Variants in PTPN14 observed in about 807,000 individuals in gnomAD.
PTPN14 encodes protein tyrosine phosphatase non-receptor type 14.
PTPN14 carries 53 observed loss-of-function variants against 126.8 expected under a neutral mutation model. The ratio of observed to expected loss-of-function variants is 0.42; its 90% confidence interval spans 0.34 to 0.53. The LOEUF (loss-of-function observed/expected upper bound fraction) is 0.53. Ranked by LOEUF, PTPN14 falls within the 20% of genes least tolerant of loss-of-function variation. The pLI is 0.08. For missense variants in PTPN14, 1,257 were observed against 1,552.9 expected (o/e 0.81, Z 3.20); for synonymous variants, 630 against 599.3 (o/e 1.05, Z -0.75).
At chr1:214,379,794 T>C (rs765063286) in intron 13 of PTPN14, among the ~76,000 whole-genome samples, 1 of 152,236 alleles carries the variant, frequency 6.6e-6, no homozygotes, top group Non-Finnish European at 1.5e-5. Context: ...CAAGTTGTCC[T>C]GCCTTTCCAG....
intron 3 of PTPN14, among the ~76,000 whole-genome samples, chr1:214,430,619 C>T (rs189275657): frequency 1.1e-3 from 171 of 152,312 alleles, no homozygotes; most frequent in African/African-American, 3.6e-3. Context: ...TCAATCTTCC[C>T]TGGGTCTCCA....
intron 4 of PTPN14, among the ~76,000 whole-genome samples, chr1:214,412,468 T>C (rs1281015312): frequency 1.3e-5 from 2 of 152,126 alleles, no homozygotes; most frequent in African/African-American, 2.4e-5. Context: ...CATGCACCAA[T>C]GTTGAGAAGT....
intron 1 of PTPN14, among the ~76,000 whole-genome samples, chr1:214,499,771 C>A (rs1380525200): frequency 2.0e-5 from 3 of 151,090 alleles, no homozygotes; most frequent in African/African-American, 7.3e-5. Context: ...CTAATTTAAG[C>A]ATTCATTTTT....
chr1:214,444,377 T>G (rs1335737419), intron 3 of PTPN14, among the ~76,000 whole-genome samples: 1 of 152,228 alleles, frequency 6.6e-6, no homozygotes, highest in Admixed American at 6.5e-5. Flanking sequence ...GCAAATTATA[T>G]TATCCACAGG....
At position 214,551,340 on chromosome 1, in the gene PTPN14, C is replaced by T. The variant is rs963164133; in HGVS notation, c.-312G>A. The T allele has an allele frequency of 1.3e-5, 2 of 152,576 alleles. No individual in the cohort carries two copies. Among genetic ancestry groups the T allele is most frequent in the Non-Finnish European group, 2.9e-5 (2 of 68,326 alleles). 9.5% of individuals were successfully genotyped at this position (152,576 alleles called of 1,614,324 possible). ...GGCGAAAGGGGAGGGAGGTTTCCGC[C>T]GCGATCCCGGCGCGAGAGTCCGAGC... On this transcript the variant is annotated 5_prime_UTR_variant, in exon 1 of 19. Coordinates refer to ENST00000366956, the MANE Select transcript of PTPN14 (RefSeq NM_005401.5).
intron 5 of PTPN14, among the ~76,000 whole-genome samples, chr1:214,406,006 A>G (rs1417552739): frequency 3.3e-5 from 5 of 152,176 alleles, no homozygotes; most frequent in Non-Finnish European, 5.9e-5. Context: ...ACAATGGGGC[A>G]GGGGCAGGGG....
chr1:214,377,068 A>T (rs796604176), intron 14 of PTPN14, among the ~76,000 whole-genome samples: 2 of 152,366 alleles, frequency 1.3e-5, no homozygotes, highest in African/African-American at 4.8e-5. Flanking sequence ...CTTCTGAAAC[A>T]CTACCATGCA....
rs183413280 is a variant in PTPN14 at position 214,370,540 on chromosome 1, C to T, written c.3037-849G>A. 9.2e-5 allele frequency among the ~76,000 whole-genome samples: 14 copies of T among 152,234 alleles called. No individual in the cohort carries two copies. In the East Asian group the frequency reaches 2.3e-3, roughly 25 times the overall value. ...CTTTCTGTTACAGCACACTGACTAC[C>T]GATGCTGTCTTTATCTAGTGTCGAT... On this transcript the variant is annotated intron_variant, in intron 16 of 18. Transcript: ENST00000366956.
At chr1:214,461,289 T>C (rs148055928) in intron 2 of PTPN14, among the ~76,000 whole-genome samples, 251 of 152,320 alleles carry the variant, frequency 1.6e-3, no homozygotes, top group African/African-American at 5.8e-3. Flanking sequence ...CTACTTCTAA[T>C]GGCAAAGCCA....
chr1:214,548,070 T>C (rs928969550), intron 1 of PTPN14, among the ~76,000 whole-genome samples: 3 of 152,214 alleles, frequency 2.0e-5, no homozygotes, highest in African/African-American at 7.2e-5. Context: ...TGTGAGGTAC[T>C]GTTATACAGC....
intron 3 of PTPN14, among the ~76,000 whole-genome samples, chr1:214,440,424 G>A (rs1214079171): frequency 6.6e-6 from 1 of 152,120 alleles, no homozygotes; most frequent in Non-Finnish European, 1.5e-5. Flanking sequence ...ACCTTTTATG[G>A]GTAATCAGAG....
intron 3 of PTPN14, among the ~76,000 whole-genome samples, chr1:214,427,276 C>CAAAAAAAAA (rs5741915): frequency 1.5e-5 from 1 of 65,216 alleles, no homozygotes; most frequent in Non-Finnish European, 2.7e-5. Context: ...GTCTCCATCT[C>CAAAAAAAAA]AAAAAAAAAA....
intron 5 of PTPN14, among the ~76,000 whole-genome samples, chr1:214,410,302 T>A (rs1375577635): frequency 6.8e-6 from 1 of 146,102 alleles, no homozygotes; most frequent in African/African-American, 2.6e-5. Context: ...TTTTTTTTCT[T>A]TTTTTTTTTT....
intron 1 of PTPN14, among the ~76,000 whole-genome samples, chr1:214,501,742 T>C (rs1157777709): frequency 6.6e-6 from 1 of 152,160 alleles, no homozygotes; most frequent in East Asian, 1.9e-4. Flanking sequence ...GTTAAATCCA[T>C]TTTTCATGGC....
intron 1 of PTPN14, among the ~76,000 whole-genome samples, chr1:214,514,145 C>T (rs1655043896): frequency 6.6e-6 from 1 of 152,066 alleles, no homozygotes; most frequent in African/African-American, 2.4e-5. Flanking sequence ...CATCTGGATG[C>T]TCCCAGGCTA....
intron 1 of PTPN14, among the ~76,000 whole-genome samples, chr1:214,497,294 C>T (rs947569607): frequency 6.6e-6 from 1 of 152,072 alleles, no homozygotes; most frequent in Non-Finnish European, 1.5e-5. Context: ...CATATGAAGA[C>T]ATTCAACCTC....
At chr1:214,459,650 GTA>G (rs1660464676) in intron 2 of PTPN14, among the ~76,000 whole-genome samples, 2 of 151,742 alleles carry the variant, frequency 1.3e-5, no homozygotes, top group African/African-American at 4.8e-5. Context: ...TTGTATTTTA[GTA>G]GGGACGGGGT....
At chr1:214,414,398 T>C (rs144564005) in intron 4 of PTPN14, among the ~76,000 whole-genome samples, 9 of 152,342 alleles carry the variant, frequency 5.9e-5, no homozygotes, top group African/African-American at 2.2e-4. Flanking sequence ...TTTCCTCATA[T>C]AAAACTGTAA....
intron 1 of PTPN14, among the ~76,000 whole-genome samples, chr1:214,525,408 T>C (rs1358720790): frequency 6.6e-6 from 1 of 152,202 alleles, no homozygotes; most frequent in East Asian, 1.9e-4. Flanking sequence ...TACGTTATAG[T>C]CCCATTTCTC....
Sources: gnomAD v4.1 joint callset for allele counts (sites outside exome capture counted in the v4.1 genomes callset) on GRCh38, gnomAD v4.1.1 for gene constraint, MANE v1.5 for transcripts, NCBI Gene and HGNC (gene_info 2026-07-23, HGNC 2026-07-21) for gene names.